Variants in BACH1 observed in about 807,000 individuals in gnomAD.
BACH1 encodes the protein BTB domain and CNC homolog 1, also known as transcription regulator protein BACH1.
Under a neutral mutation model 52.9 loss-of-function variants are expected in BACH1, and 35 were observed. The ratio of observed to expected loss-of-function variants is 0.66; its 90% CI spans 0.51 to 0.88. The LOEUF (loss-of-function observed/expected upper bound fraction) is 0.88. BACH1 is among the 40% of genes least tolerant of loss of function. The pLI, the probability that BACH1 is intolerant of heterozygous loss-of-function variation, is 0.00. For missense variants in BACH1, 808 were observed against 872.6 expected, an observed-to-expected ratio of 0.93 and a Z score of 0.93; for synonymous variants, 321 against 319.6, an observed-to-expected ratio of 1.00 and a Z score of -0.05.
intron 1 of BACH1, chr21:29,300,731 G>A (rs559368822): frequency 1.8e-4 from 28 of 152,264 alleles, no homozygotes; most frequent in Middle Eastern, 3.4e-3. Flanking sequence ...TAATTTGTGC[G>A]TCATAAAAAT....
At chr21:29,301,583 A>C (rs1237059692) in intron 1 of BACH1, among the ~76,000 whole-genome samples, 1 of 152,232 alleles carries the variant, frequency 6.6e-6, no homozygotes, top group Non-Finnish European at 1.5e-5. Context: ...AAATACAAAA[A>C]ATACAGAATT....
intron 1 of BACH1, among the ~76,000 whole-genome samples, chr21:29,309,565 G>A (rs962845821): frequency 6.6e-6 from 1 of 152,118 alleles, no homozygotes; most frequent in East Asian, 1.9e-4. Flanking sequence ...TAACAGAAGC[G>A]GGTCATCCTG....
At chr21:29,309,377 A>G (rs1299187719) in intron 1 of BACH1, among the ~76,000 whole-genome samples, 1 of 152,158 alleles carries the variant, frequency 6.6e-6, no homozygotes, top group Non-Finnish European at 1.5e-5. Flanking sequence ...CACACAGGAT[A>G]CTTGGGGTAT....
intron 3 of BACH1, 56 bp from the exon 4 acceptor site, chr21:29,329,430 GT>G: frequency 7.4e-7 from 1 of 1,354,674 alleles, no homozygotes; most frequent in Non-Finnish European, 9.8e-7. Context: ...ATCTTCCTAG[GT>G]TTGACTATAA....
At chr21:29,304,119 T>A (rs1393862187) in intron 1 of BACH1, among the ~76,000 whole-genome samples, 1 of 149,326 alleles carries the variant, frequency 6.7e-6, no homozygotes, top group South Asian at 2.1e-4. Flanking sequence ...TTATTCCCAG[T>A]TTTTTTTTTC....
intron 1 of BACH1, among the ~76,000 whole-genome samples, chr21:29,306,169 AGTGTGTGTGTGTGTGTGTGTGTGT>A (rs61571512): frequency 2.8e-5 from 4 of 141,286 alleles, no homozygotes; most frequent in South Asian, 2.3e-4. Context: ...GGTCAGGAAG[AGTGTGTGTGTGTGTGTGTGTGTGT>A]GTGTGTGTGT....
At chr21:29,300,659 C>T (rs1175819635) in intron 1 of BACH1, 1 of 152,182 alleles carries the variant, frequency 6.6e-6, no homozygotes, top group Non-Finnish European at 1.5e-5. Context: ...ACTACTCTTA[C>T]TGGACTTAGT....
intron 1 of BACH1, among the ~76,000 whole-genome samples, chr21:29,315,396 T>C (rs2088774336): frequency 6.6e-6 from 1 of 152,194 alleles, no homozygotes; most frequent in Admixed American, 6.5e-5. Context: ...TTGAATACCC[T>C]GCCCTGAAAT....
rs772104130 is a variant in BACH1, at chr21:29,329,627, T to C, written c.1710T>C (p.Ala570=). 8 of 1,604,066 alleles carry C rather than the reference T, an allele frequency of 5.0e-6. No homozygotes were observed. Among genetic ancestry groups the C allele is most frequent in the Non-Finnish European group, 6.8e-6 (8 of 1,176,370 alleles). Residue 570 remains alanine, a synonymous_variant, in exon 4 of 5, where the codon GCT becomes GCC. Coordinates refer to ENST00000286800, the MANE Select transcript of BACH1 (RefSeq NM_001186.4). ...DIRRRSKNRI[A]AQRCRKRKLD... ...GAAGAAGAAGTAAAAACAGAATTGC[T>C]GCACAGCGCTGTCGCAAGAGAAAAC...
At chr21:29,328,733 C>G (rs571797886) in intron 3 of BACH1, among the ~76,000 whole-genome samples, 158 of 152,160 alleles carry the variant, frequency 1.0e-3, no homozygotes, top group Non-Finnish European at 2.1e-3. Context: ...TGGCAACCAC[C>G]ATTCTACTCT....
At chr21:29,352,836 C>G (rs907023793) in intron 2 of BACH1, among the ~76,000 whole-genome samples, 2 of 152,068 alleles carry the variant, frequency 1.3e-5, no homozygotes, top group African/African-American at 2.4e-5. Flanking sequence ...CTCAGCCTCC[C>G]AAGTAGCTGG....
Position 29,326,936 on chromosome 21 carries a change from C to T in BACH1, c.1112C>T (p.Ser371Phe). 6.2e-7 allele frequency: 1 copy of T among 1,614,192 alleles called. No individual in the cohort carries two copies. The highest frequency in any genetic ancestry group is 8.5e-7 in the Non-Finnish European group (1 of 1,180,042). ...GAAAGTCAGGATTTACCTTTGAAATCCGACTTGGGCACCAGGGAAGATAGT... is the reference window on the plus strand; with the variant it reads ...GAAAGTCAGGATTTACCTTTGAAATTCGACTTGGGCACCAGGGAAGATAGT... Reference protein sequence around the residue: ...FGESQDLPLKSDLGTREDSSV... With the variant: ...FGESQDLPLKFDLGTREDSSV... Residue 371 changes from serine (S) to phenylalanine (F), a missense_variant, in exon 3 of 5, where the codon TCC becomes TTC. Physicochemically the swap from Ser to Phe is radical, Grantham distance 155. Transcript: ENST00000286800.
At chr21:29,337,109 C>G (rs1463014604) in intron 4 of BACH1, among the ~76,000 whole-genome samples, 1 of 152,158 alleles carries the variant, frequency 6.6e-6, no homozygotes, top group Non-Finnish European at 1.5e-5. Flanking sequence ...CAAATTTGGC[C>G]TGGGAGAGCC....
Position 29,321,504 on chromosome 21 carries a change from T to C in BACH1, c.224T>C (p.Leu75Pro). The change falls in exon 2 of 5, where the codon CTT (leucine) becomes CCT (proline). Residue 75 changes from leucine to proline, a missense_variant. Leu to Pro is a moderately conservative substitution (Grantham distance 98, BLOSUM62 -3). Coordinates refer to ENST00000286800, the MANE Select transcript of BACH1 (RefSeq NM_001186.4). ...GQADGELNIT[L>P]PEEVTVKGFE... is the part of the protein sequence containing the mutation. ...GCTGATGGAGAGCTGAACATTACTCTTCCAGAAGAGGTGAGAGATCCATGT... is the reference window on the plus strand; with the variant it reads ...GCTGATGGAGAGCTGAACATTACTCCTCCAGAAGAGGTGAGAGATCCATGT... The C allele has an allele frequency of 6.2e-7, 1 of 1,613,388 alleles. No individual in the cohort carries two copies. Among genetic ancestry groups the C allele is most frequent in the Non-Finnish European group, 8.5e-7 (1 of 1,179,326 alleles).
In BACH1 at chr21:29,326,664, C is replaced by T. The variant is rs77477102; in HGVS notation, c.840C>T (p.Asp280=). Residue 280 remains aspartate (D), a synonymous_variant, in exon 3 of 5, where the codon GAC becomes GAT. Transcript: ENST00000286800. The part of the protein sequence containing the change: ...CRDLQVMLKC[D]ESKLAMEPEE... ...ATTTGCAGGTGATGTTAAAATGTGA[C>T]GAAAGTAAATTAGCAATGGAACCTG... 114 of 1,614,022 alleles carry T rather than the reference C, an allele frequency of 7.1e-5. No homozygotes were observed. In the African/African-American group the frequency reaches 1.2e-3, roughly 17 times the overall value.
At chr21:29,335,113 AACTC>A (rs1295906202) in intron 4 of BACH1, among the ~76,000 whole-genome samples, 3 of 152,202 alleles carry the variant, frequency 2.0e-5, no homozygotes, top group Non-Finnish European at 4.4e-5. Flanking sequence ...AAATTCTGAG[AACTC>A]ACTGCATGAT....
intron 4 of BACH1, among the ~76,000 whole-genome samples, chr21:29,334,386 C>T (rs2089020907): frequency 6.6e-6 from 1 of 152,234 alleles, no homozygotes; most frequent in Non-Finnish European, 1.5e-5. Context: ...GCGTGAGCCA[C>T]TGCGCTCGGC....
At chr21:29,300,312 G>A (rs1250635060) in intron 1 of BACH1, 2 of 152,120 alleles carry the variant, frequency 1.3e-5, no homozygotes, top group African/African-American at 2.4e-5. Context: ...TAAAAAGTTG[G>A]GTTGCTGAGT....
rs10595449 is a variant in BACH1, at chr21:29,344,634, T to TTGTGTGTGTGTGTGTGTG, written c.*1819_*1836dup. On this transcript the variant is annotated 3_prime_UTR_variant, in exon 5 of 5. Transcript: ENST00000286800. ...AGTGCATCCCATACTGCAAAAGAAT[T>TTGTGTGTGTGTGTGTGTG]TGTGTGTGTGTGTGTGTGTGTGTGT... 2 of 149,316 alleles carry TTGTGTGTGTGTGTGTGTG rather than the reference T, an allele frequency of 1.3e-5. No homozygotes were observed. The highest frequency in any genetic ancestry group is 2.5e-5 in the African/African-American group (1 of 40,750). 9.2% of individuals were successfully genotyped at this position (149,316 alleles called of 1,614,324 possible). A position where few individuals can be genotyped will look rare whatever the true frequency, so the allele number is the denominator to read the frequency against.
Sources: allele counts gnomAD v4.1 joint callset (sites outside exome capture counted in the v4.1 genomes callset), GRCh38; gene constraint gnomAD v4.1.1; transcripts MANE v1.5; gene names NCBI Gene and HGNC (gene_info 2026-07-23, HGNC 2026-07-21).